Variants in STUM observed in about 807,000 individuals in gnomAD.
The protein encoded by STUM is stum, mechanosensory transduction mediator homolog.
A neutral mutation model predicts 15.3 loss-of-function variants in STUM; 8 were observed. The ratio of observed to expected loss-of-function variants is 0.52; its 90% confidence interval spans 0.31 to 0.94. STUM has a LOEUF of 0.94. Ranked by LOEUF, STUM falls within the 40% of genes least tolerant of loss-of-function variation. STUM has a pLI of 0.05. For missense variants in STUM, 142 were observed against 204.9 expected (o/e 0.69, Z 1.87); for synonymous variants, 78 against 88.7 (o/e 0.88, Z 0.68).
Position 226,567,773 on chromosome 1 carries a change from T to C in STUM, c.202+18667T>C, listed in dbSNP as rs189787440. Among the ~76,000 whole-genome samples the C allele has an allele frequency of 1.3e-5, 2 of 152,332 alleles. No homozygotes were observed. The highest frequency in any genetic ancestry group is 3.9e-4 in the East Asian group (2 of 5,192). On this transcript the variant is annotated intron_variant, in intron 1 of 3. Transcript: ENST00000366788. The surrounding 1 kb of genome is among the most constrained non-coding windows in gnomAD (Gnocchi z 4.5). ...GGGTCTCTAGTGAGCAGGTCACGCA[T>C]TTGGCACCAGATGCTGCCTAATTGA...
chr1:226,569,290 CTTA>C (rs1314275972), intron 1 of STUM, among the ~76,000 whole-genome samples: 1 of 152,062 alleles, frequency 6.6e-6, no homozygotes, highest in Non-Finnish European at 1.5e-5. Context: ...ACATGTTGTC[CTTA>C]TTATTATTAT....
intron 1 of STUM, among the ~76,000 whole-genome samples, chr1:226,577,648 G>A (rs1178476523): frequency 6.6e-6 from 1 of 152,172 alleles, no homozygotes; most frequent in Non-Finnish European, 1.5e-5. Flanking sequence ...TCGGGCCCCA[G>A]GGCCATTGTC....
intron 3 of STUM, 75 bp from the exon 4 acceptor site, chr1:226,601,931 G>A: frequency 3.0e-6 from 4 of 1,314,868 alleles, no homozygotes; most frequent in Non-Finnish European, 4.4e-6. Flanking sequence ...GTGCATTCTG[G>A]GCTAGGGGCA....
intron 1 of STUM, among the ~76,000 whole-genome samples, chr1:226,592,297 C>G (rs1668103204): frequency 6.6e-6 from 1 of 152,226 alleles, no homozygotes; most frequent in Non-Finnish European, 1.5e-5. Context: ...ATCCACCTGC[C>G]ATGGCCTCCC....
chr1:226,586,354 T>C (rs1005931213), intron 1 of STUM, among the ~76,000 whole-genome samples: 1 of 152,148 alleles, frequency 6.6e-6, no homozygotes, highest in Non-Finnish European at 1.5e-5. Flanking sequence ...GGCAGTCTTG[T>C]TCCCAGGCTT....
intron 1 of STUM, among the ~76,000 whole-genome samples, chr1:226,562,261 G>A (rs1667553573): frequency 6.6e-6 from 1 of 152,058 alleles, no homozygotes; most frequent in Admixed American, 6.6e-5. Flanking sequence ...CTGAGGTCAG[G>A]AGTTTGAGAC....
chr1:226,568,176 C>G (rs995920227), intron 1 of STUM, among the ~76,000 whole-genome samples: 2 of 152,248 alleles, frequency 1.3e-5, no homozygotes, highest in Admixed American at 6.5e-5. Context: ...ATTCTGCAGG[C>G]TCTGGCAACG....
chr1:226,586,939 C>G (rs756391756), intron 1 of STUM, among the ~76,000 whole-genome samples: 2 of 152,164 alleles, frequency 1.3e-5, no homozygotes, highest in Non-Finnish European at 2.9e-5. Flanking sequence ...GTCCCATCCC[C>G]GTCTCCTCAG....
At chr1:226,591,183 A>G (rs1668079584) in intron 1 of STUM, among the ~76,000 whole-genome samples, 1 of 152,260 alleles carries the variant, frequency 6.6e-6, no homozygotes, top group South Asian at 2.1e-4. Context: ...CAGTTTTTAT[A>G]TTATAAATCC....
intron 1 of STUM, among the ~76,000 whole-genome samples, chr1:226,557,496 C>A (rs1667464626): frequency 6.6e-6 from 1 of 152,142 alleles, no homozygotes; most frequent in Non-Finnish European, 1.5e-5. Context: ...GGTAAATACC[C>A]AGAAGTAGGA....
chr1:226,595,427 A>ACCAG (rs915977668), intron 1 of STUM, among the ~76,000 whole-genome samples: 59 of 152,200 alleles, frequency 3.9e-4, no homozygotes, highest in African/African-American at 1.4e-3. Flanking sequence ...ACAGTGCTCC[A>ACCAG]CCAGCCGTCT....
chr1:226,587,937 G>A (rs753991421), intron 1 of STUM, among the ~76,000 whole-genome samples: 2 of 152,082 alleles, frequency 1.3e-5, no homozygotes, highest in Non-Finnish European at 2.9e-5. Context: ...TGGCAAGTTC[G>A]GCTTTCCAAT....
intron 2 of STUM, 49 bp downstream of exon 2, chr1:226,597,030 G>A: frequency 3.8e-6 from 6 of 1,563,964 alleles, no homozygotes; most frequent in Non-Finnish European, 5.3e-6. Flanking sequence ...AGTGGCCAGG[G>A]ACAGGAAGGG....
intron 1 of STUM, among the ~76,000 whole-genome samples, chr1:226,559,865 T>C (rs889155731): frequency 5.9e-5 from 9 of 151,694 alleles, no homozygotes; most frequent in Non-Finnish European, 1.0e-4. Flanking sequence ...CCCAGCTACT[T>C]GGGAGGCTGA....
At chr1:226,593,675 G>C (rs1028057423) in intron 1 of STUM, among the ~76,000 whole-genome samples, 19 of 152,188 alleles carry the variant, frequency 1.2e-4, no homozygotes, top group Non-Finnish European at 1.5e-5. Flanking sequence ...CTGTCCATCC[G>C]GCGAGAGTAG....
chr1:226,553,089 T>C (rs1316145760), intron 1 of STUM, among the ~76,000 whole-genome samples: 1 of 152,166 alleles, frequency 6.6e-6, no homozygotes, highest in East Asian at 1.9e-4. Context: ...CTGAAGATGT[T>C]TTTCAACAAA....
At chr1:226,560,312 C>T (rs1487746464) in intron 1 of STUM, among the ~76,000 whole-genome samples, 3 of 152,186 alleles carry the variant, frequency 2.0e-5, no homozygotes, top group Non-Finnish European at 2.9e-5. Context: ...AATCCAGGTG[C>T]TCTTGGGGAA....
Position 226,580,197 on chromosome 1 carries a change from G to A in STUM, c.203-16605G>A, listed in dbSNP as rs545241569. ...GAGCCATGGGGAATCCTGGGTTCTG[G>A]CTGGTGCAGGTGATGGGAGTGGGTG... On this transcript the variant is annotated intron_variant, in intron 1 of 3. Transcript: ENST00000366788. 2.6e-5 allele frequency among the ~76,000 whole-genome samples: 4 copies of A among 152,304 alleles called. No individual in the cohort carries two copies. The South Asian group carries it at 8.3e-4, about 32-fold the overall frequency.
At chr1:226,597,055 A>T (rs1230435547) in intron 2 of STUM, 74 bp downstream of exon 2, 1 of 1,417,142 alleles carries the variant, frequency 7.1e-7, no homozygotes, top group Non-Finnish European at 1.0e-6. Flanking sequence ...GGAGACCTTC[A>T]TGTCTGGCCG....
Sources: gnomAD v4.1 joint callset for allele counts (sites outside exome capture counted in the v4.1 genomes callset) on GRCh38, gnomAD v4.1.1 for gene constraint, Gnocchi (gnomAD v3.1) non-coding constraint, MANE v1.5 for transcripts, NCBI Gene and HGNC (gene_info 2026-07-23, HGNC 2026-07-21) for gene names.